Variants in ZEB1 observed in about 807,000 individuals in gnomAD.
ZEB1 encodes the protein zinc finger E-box binding homeobox 1, also known as zinc finger E-box-binding homeobox 1.
A neutral mutation model predicts 84.9 loss-of-function variants in ZEB1; 21 were observed. That is an observed-to-expected ratio of 0.25 (90% confidence interval 0.18 to 0.36). The LOEUF (loss-of-function observed/expected upper bound fraction) is 0.36, where lower values mean the gene tolerates loss of function less well. Ranked by LOEUF, ZEB1 falls within the 10% of genes least tolerant of loss-of-function variation. The pLI, the probability that ZEB1 is intolerant of heterozygous loss-of-function variation, is 1.00. For missense variants in ZEB1, 1,104 were observed against 1,330.2 expected (o/e 0.83, Z 2.65); for synonymous variants, 420 against 471.1 (o/e 0.89, Z 1.41).
At chr10:31,440,947 G>C (rs2058877172) in intron 1 of ZEB1, among the ~76,000 whole-genome samples, 2 of 152,150 alleles carry the variant, frequency 1.3e-5, no homozygotes, top group African/African-American at 4.8e-5. Flanking sequence ...CTCATGGATA[G>C]GAAGAATCAA....
chr10:31,321,586 C>G lies in ZEB1; in HGVS notation c.58+2294C>G, dbSNP rs912710209. On this transcript the variant is annotated intron_variant, in intron 1 of 8. Transcript: ENST00000424869. ...TTTTTACCTTATTTAAAATGTTGAT[C>G]GCCAGAGAAAGGGGCTTTTCTTGTT... is the stretch of plus-strand genomic sequence containing the variant. 7.4e-6 allele frequency: 12 copies of G among 1,613,480 alleles called. No homozygotes were observed. In the African/African-American group the frequency reaches 8.0e-5, roughly 11 times the overall value.
chr10:31,496,289 A>G (rs148423006), intron 3 of ZEB1, among the ~76,000 whole-genome samples: 39 of 152,208 alleles, frequency 2.6e-4, no homozygotes, highest in Non-Finnish European at 4.4e-4. Context: ...AATCATGAAT[A>G]TTAATGAGTT....
rs749241448 is a variant in ZEB1 at position 31,502,523 on chromosome 10, A to G, written c.484+14A>G. The stretch of plus-strand genomic sequence containing the variant: ...ATGATGAAAATGGTAAATGGATCTT[A>G]ACAGTTGTGTTTCTTTCCCTCTTTA... On this transcript the variant is annotated intron_variant, in intron 4 of 8. Coordinates refer to ENST00000424869, the MANE Select transcript of ZEB1 (RefSeq NM_001174096.2). The G allele has an allele frequency of 6.2e-7, 1 of 1,613,700 alleles. No homozygotes were observed. Among genetic ancestry groups the G allele is most frequent in the East Asian group, 2.2e-5 (1 of 44,868 alleles).
chr10:31,491,710 A>G (rs1157903859), intron 2 of ZEB1, among the ~76,000 whole-genome samples: 1 of 151,920 alleles, frequency 6.6e-6, no homozygotes, highest in Non-Finnish European at 1.5e-5. Context: ...TTTATTATCT[A>G]GATTCAGTAG....
intron 1 of ZEB1, among the ~76,000 whole-genome samples, chr10:31,419,992 A>G (rs1311598914): frequency 2.6e-5 from 4 of 152,164 alleles, no homozygotes; most frequent in African/African-American, 9.6e-5. Context: ...TCCTAGGTGA[A>G]GATGAGATCT....
In ZEB1 at chr10:31,395,073, G is replaced by T. The variant is rs139471329; in HGVS notation, c.59-65964G>T. 1.2e-4 allele frequency among the ~76,000 whole-genome samples: 19 copies of T among 152,266 alleles called. No homozygotes were observed. In the East Asian group the frequency reaches 3.5e-3, roughly 28 times the overall value. The stretch of plus-strand genomic sequence containing the variant: ...TGCTTTAGTGATACAGGGGATTAAC[G>T]AATTCAATTTCTGATACAGTTAAGG... On this transcript the variant is annotated intron_variant, in intron 1 of 8. Transcript: ENST00000424869.
intron 1 of ZEB1, among the ~76,000 whole-genome samples, chr10:31,391,231 TTGTGTGTGTGTGTGTGTGTG>T (rs780805467): frequency 9.3e-4 from 126 of 134,784 alleles, no homozygotes; most frequent in African/African-American, 3.0e-3. Context: ...ACAGGTAAGT[TTGTGTGTGTGTGTGTGTGTG>T]TGTGTGTGTG....
chr10:31,368,058 T>C (rs1376334363), intron 1 of ZEB1, among the ~76,000 whole-genome samples: 3 of 152,176 alleles, frequency 2.0e-5, no homozygotes, highest in Non-Finnish European at 4.4e-5. Context: ...TTCAGTATCC[T>C]CAGGTGGTTG....
At chr10:31,375,803 G>A (rs2046519647) in intron 1 of ZEB1, among the ~76,000 whole-genome samples, 1 of 151,648 alleles carries the variant, frequency 6.6e-6, no homozygotes, top group South Asian at 2.1e-4. Flanking sequence ...GATATGGAAA[G>A]GAAAATAATG....
At chr10:31,393,116 G>C (rs1272809997) in intron 1 of ZEB1, among the ~76,000 whole-genome samples, 1 of 152,124 alleles carries the variant, frequency 6.6e-6, no homozygotes, top group African/African-American at 2.4e-5. Flanking sequence ...GGGACTATCA[G>C]GCATGAGCCA....
chr10:31,355,743 A>C (rs2042011226), intron 1 of ZEB1, among the ~76,000 whole-genome samples: 2 of 152,164 alleles, frequency 1.3e-5, no homozygotes, highest in South Asian at 4.1e-4. Context: ...AAAAGATTCC[A>C]GTGTGAGCGT....
At chr10:31,324,327 T>C (rs1443783328) in intron 1 of ZEB1, among the ~76,000 whole-genome samples, 4 of 152,046 alleles carry the variant, frequency 2.6e-5, no homozygotes, top group Non-Finnish European at 5.9e-5. Context: ...TTCTGTTAAA[T>C]TGAGAATGAT....
chr10:31,338,669 A>G (rs1394589851), intron 1 of ZEB1, among the ~76,000 whole-genome samples: 3 of 152,166 alleles, frequency 2.0e-5, no homozygotes. Context: ...ACTGCTGGAC[A>G]TTGCTTAGAT....
chr10:31,450,889 T>C (rs900621666), intron 1 of ZEB1, among the ~76,000 whole-genome samples: 1 of 151,970 alleles, frequency 6.6e-6, no homozygotes, highest in Non-Finnish European at 1.5e-5. Context: ...TGTGTGTGTG[T>C]GCGTGCGTGC....
At chr10:31,332,804 A>G (rs1237820222) in intron 1 of ZEB1, among the ~76,000 whole-genome samples, 3 of 152,314 alleles carry the variant, frequency 2.0e-5, no homozygotes, top group African/African-American at 4.8e-5. Context: ...TGATTTATGC[A>G]TCAATTTTCT....
chr10:31,488,941 G>A (rs181926843), intron 2 of ZEB1, among the ~76,000 whole-genome samples: 21 of 151,212 alleles, frequency 1.4e-4, no homozygotes, highest in Admixed American at 4.0e-4. Flanking sequence ...TGTGAATTTC[G>A]TCATTGGGGT....
intron 1 of ZEB1, among the ~76,000 whole-genome samples, chr10:31,354,465 T>C (rs1346909826): frequency 1.3e-5 from 2 of 152,192 alleles, no homozygotes. Flanking sequence ...AACACTTTTC[T>C]TGGGGGAGGA....
chr10:31,519,200 T>C (rs2071783411), intron 6 of ZEB1, among the ~76,000 whole-genome samples: 1 of 152,214 alleles, frequency 6.6e-6, no homozygotes, highest in South Asian at 2.1e-4. Context: ...GCTTATAGTC[T>C]GTAACCTTTA....
intron 6 of ZEB1, among the ~76,000 whole-genome samples, chr10:31,519,069 C>T (rs1029367359): frequency 3.3e-5 from 5 of 152,136 alleles, no homozygotes; most frequent in Non-Finnish European, 7.4e-5. Context: ...CACATCTCAT[C>T]ATTCAACAAT....
Sources: allele counts gnomAD v4.1 joint callset (sites outside exome capture counted in the v4.1 genomes callset), GRCh38; gene constraint gnomAD v4.1.1; transcripts MANE v1.5; gene names NCBI Gene and HGNC (gene_info 2026-07-23, HGNC 2026-07-21).